The following CRYAB variants were observed in gnomAD, a reference collection of about 807,000 sequenced individuals.
The protein encoded by CRYAB is crystallin alpha B, also known as alpha-crystallin B chain.
Under a neutral mutation model 12.7 loss-of-function variants are expected in CRYAB, and 9 were observed. The ratio of observed to expected loss-of-function variants is 0.71; its 90% confidence interval spans 0.43 to 1.24. The LOEUF (loss-of-function observed/expected upper bound fraction) is 1.24. Ranked by LOEUF, CRYAB falls within the 50% of genes most tolerant of loss-of-function variation. CRYAB has a pLI of 0.00. For synonymous variants in CRYAB, 93 were observed against 86.8 expected (o/e 1.07, Z -0.40); for missense variants, 183 against 226.6 (o/e 0.81, Z 1.24).
At chr11:111,912,978 G>A, upstream of CRYAB, 1 of 1,363,800 alleles carries the variant, frequency 7.3e-7, no homozygotes, top group Non-Finnish European at 1.0e-6. Context: ...GAAATTCTGG[G>A]CTGACCTCCC....
At position 111,919,341 on chromosome 11, in the gene CRYAB, C is replaced by T. The variant is rs587721661; in HGVS notation, c.-199+4362G>A. ...TACAAAAATTAGCTGGGCATGGTGG[C>T]GCGCACCTGTAGTCCCAGCTACTCG... On this transcript the variant is annotated intron_variant, in intron 1 of 3. Coordinates refer to the CRYAB transcript ENST00000527950. The T allele has an allele frequency of 2.8e-4, 72 of 256,546 alleles. 3 individuals carry two copies. In the South Asian group the frequency reaches 3.1e-3, roughly 11 times the overall value. The allele number at this position is 256,546 out of a possible 1,614,324, so 15.9% of individuals were successfully genotyped here.
At chr11:111,912,870 C>T, upstream of CRYAB, 1 of 1,609,582 alleles carries the variant, frequency 6.2e-7, no homozygotes, top group Non-Finnish European at 8.5e-7. Flanking sequence ...CCGGCCACCG[C>T]CGAGTACGAA....
At chr11:111,919,081 G>C in intron 1 of CRYAB, 1 of 1,533,788 alleles carries the variant, frequency 6.5e-7, no homozygotes, top group South Asian at 1.2e-5. Context: ...CAGAGGACCT[G>C]GAGATAGTTG....
At chr11:111,912,924 GTA>G, upstream of CRYAB, 1 of 1,597,334 alleles carries the variant, frequency 6.3e-7, no homozygotes, top group Non-Finnish European at 8.5e-7. Flanking sequence ...TTCGGAGAAG[GTA>G]TGGCACAGAC....
upstream of CRYAB, chr11:111,911,925 A>G: frequency 3.4e-6 from 2 of 587,006 alleles, no homozygotes; most frequent in South Asian, 4.1e-5. Context: ...TCACTGAGCT[A>G]AGAAAAGAGA....
Position 111,908,683 on chromosome 11 carries a change from G to A in CRYAB, c.*81C>T, listed in dbSNP as rs1305943422. ...TTGGGCCTGCCCTTAGCATTAATAAGCTTCAGCACTAGTCACAAGACTTTC... is the reference window on the plus strand; with the variant it reads ...TTGGGCCTGCCCTTAGCATTAATAAACTTCAGCACTAGTCACAAGACTTTC... On this transcript the variant is annotated 3_prime_UTR_variant, in exon 3 of 3. Transcript: ENST00000650687. 3.6e-6 allele frequency: 5 copies of A among 1,392,366 alleles called. No homozygotes were observed. In the African/African-American group the frequency reaches 4.3e-5, roughly 12 times the overall value. 86.3% of individuals were successfully genotyped at this position (1,392,366 alleles called of 1,614,324 possible).
At chr11:111,914,080 C>G, upstream of CRYAB, 11 of 616,244 alleles carry the variant, frequency 1.8e-5, no homozygotes, top group South Asian at 2.1e-4. Context: ...CTGAATAAAC[C>G]CAAATCTCAG....
chr11:111,917,181 G>T (rs1410928505), upstream of CRYAB, among the ~76,000 whole-genome samples: 2 of 152,164 alleles, frequency 1.3e-5, no homozygotes, highest in Non-Finnish European at 2.9e-5. Flanking sequence ...CTGCTTAGGT[G>T]CTTTTTAAAA....
chr11:111,910,074 T>A, intron 2 of CRYAB: 2 of 649,276 alleles, frequency 3.1e-6, no homozygotes, highest in Non-Finnish European at 5.5e-6. Flanking sequence ...AACCACTGGC[T>A]TAAATGGGGC....
chr11:111,914,168 G>C (rs1442838380), upstream of CRYAB: 2 of 414,846 alleles, frequency 4.8e-6, no homozygotes, highest in Non-Finnish European at 8.6e-6. Flanking sequence ...CAGCCAGCTA[G>C]ACAAAAAGCT....
At chr11:111,918,884 G>C in intron 1 of CRYAB, 1 of 1,491,120 alleles carries the variant, frequency 6.7e-7, no homozygotes, top group Non-Finnish European at 9.3e-7. Flanking sequence ...GACTCCGGGA[G>C]CTGCCGCGGA....
At chr11:111,917,681 A>AT (rs782338964), upstream of CRYAB, among the ~76,000 whole-genome samples, 2,762 of 143,120 alleles carry the variant, frequency 0.019, 48 homozygotes, top group Middle Eastern at 0.055. Flanking sequence ...CTCTAAAAAG[A>AT]TTTTTTTTTT....
intron 1 of CRYAB, among the ~76,000 whole-genome samples, chr11:111,922,112 G>A (rs185717417): frequency 6.6e-5 from 10 of 152,326 alleles, no homozygotes; most frequent in East Asian, 3.9e-4. Flanking sequence ...CATTACAGGC[G>A]TGAGCCACCG....
chr11:111,916,233 C>A (rs1455967300), upstream of CRYAB, among the ~76,000 whole-genome samples: 3 of 142,916 alleles, frequency 2.1e-5, no homozygotes, highest in Non-Finnish European at 4.6e-5. Flanking sequence ...ATGCCTAGTT[C>A]TTTTTTTTTT....
chr11:111,912,891 C>T (rs781972879), upstream of CRYAB: 5 of 1,609,422 alleles, frequency 3.1e-6, no homozygotes, highest in Admixed American at 8.4e-5. Context: ...TTTGCCAACC[C>T]GAGCCGCCTG....
chr11:111,917,665 C>T (rs1965618008), upstream of CRYAB, among the ~76,000 whole-genome samples: 1 of 150,730 alleles, frequency 6.6e-6, no homozygotes, highest in African/African-American at 2.4e-5. Flanking sequence ...AAAAAAAAGA[C>T]CTTGTCTCTA....
upstream of CRYAB, among the ~76,000 whole-genome samples, chr11:111,917,328 C>T (rs1965611572): frequency 6.6e-6 from 1 of 151,896 alleles, no homozygotes; most frequent in South Asian, 2.1e-4. Context: ...GAGTGGGTAA[C>T]AAGATGAAAA....
Position 111,910,360 on chromosome 11 carries a change from C to A in CRYAB, c.291G>T (p.Val97=). 6.2e-7 allele frequency: 1 copy of A among 1,614,228 alleles called. No individual in the cohort carries two copies. The highest frequency in any genetic ancestry group is 8.5e-7 in the Non-Finnish European group (1 of 1,180,042). The part of the protein sequence containing the change: ...EELKVKVLGD[V]IEVHGKHEER... Reference sequence around the variant, plus strand: ...CTTCATGTTTTCCATGCACCTCAATCACATCTCCCAACACCTTAACTTTGA... The same window carrying A: ...CTTCATGTTTTCCATGCACCTCAATAACATCTCCCAACACCTTAACTTTGA... Residue 97 remains valine (V), a synonymous_variant, in exon 2 of 3, where the codon GTG becomes GTT. Coordinates refer to ENST00000650687, the MANE Select transcript of CRYAB (RefSeq NM_001289808.2).
chr11:111,915,962 G>C (rs1368136849), upstream of CRYAB, among the ~76,000 whole-genome samples: 3 of 151,998 alleles, frequency 2.0e-5, no homozygotes, highest in African/African-American at 7.2e-5. Flanking sequence ...GGCTGGTCTT[G>C]AACTCCTGGA....
Sources: allele counts gnomAD v4.1 joint callset (sites outside exome capture counted in the v4.1 genomes callset), GRCh38; gene constraint gnomAD v4.1.1; transcripts MANE v1.5; gene names NCBI Gene and HGNC (gene_info 2026-07-23, HGNC 2026-07-21).